Variants in SLC8A1 observed in about 807,000 individuals in gnomAD.
SLC8A1 encodes sodium/calcium exchanger 1.
Under a neutral mutation model 68.3 loss-of-function variants are expected in SLC8A1, and 18 were observed. The observed-to-expected ratio is 0.26, with a 90% CI of 0.18 to 0.39. SLC8A1 has a LOEUF of 0.39. SLC8A1 is among the 10% of genes least tolerant of loss of function. The pLI, the probability that SLC8A1 is intolerant of heterozygous loss-of-function variation, is 1.00. For synonymous variants in SLC8A1, 475 were observed against 415.5 expected (o/e 1.14, Z -1.74); for missense variants, 985 against 1,156.7 (o/e 0.85, Z 2.15).
exon 8 of SLC8A1, chr2:40,104,985 G>C (rs893562924): frequency 5.9e-5 from 9 of 152,140 alleles, no homozygotes; most frequent in Non-Finnish European, 1.0e-4. Context: ...TTAATATAGA[G>C]ACAATCAGAA....
chr2:40,349,774 A>G (rs1398713563), intron 2 of SLC8A1, among the ~76,000 whole-genome samples: 1 of 152,212 alleles, frequency 6.6e-6, no homozygotes, highest in Non-Finnish European at 1.5e-5. Context: ...TAGAAAAAAT[A>G]TCATCCTTTT....
At chr2:40,465,447 A>T (rs577011038) in intron 1 of SLC8A1, among the ~76,000 whole-genome samples, 1 of 152,328 alleles carries the variant, frequency 6.6e-6, no homozygotes, top group East Asian at 1.9e-4. Flanking sequence ...TTTGATAAAA[A>T]TCACTTCACT....
At chr2:40,156,831 G>A (rs571505304) in intron 6 of SLC8A1, among the ~76,000 whole-genome samples, 1 of 152,122 alleles carries the variant, frequency 6.6e-6, no homozygotes, top group African/African-American at 2.4e-5. Context: ...TTGTATGTGT[G>A]TGTCTGTGTT....
At chr2:40,354,647 G>C (rs572599622) in intron 2 of SLC8A1, among the ~76,000 whole-genome samples, 28 of 152,066 alleles carry the variant, frequency 1.8e-4, no homozygotes, top group Non-Finnish European at 3.5e-4. Flanking sequence ...TGCTATTTTG[G>C]GATATTGCCT....
At chr2:40,277,804 A>ATATATATATATATATGTGTG (rs2066947529) in intron 2 of SLC8A1, among the ~76,000 whole-genome samples, 1 of 89,560 alleles carries the variant, frequency 1.1e-5, no homozygotes, top group Non-Finnish European at 2.3e-5. Context: ...GTATATATAT[A>ATATATATATATATATGTGTG]TATATATATA....
At chr2:40,388,974 C>T (rs906472244) in intron 2 of SLC8A1, among the ~76,000 whole-genome samples, 9 of 151,986 alleles carry the variant, frequency 5.9e-5, no homozygotes, top group Admixed American at 1.3e-4. Context: ...GTTTAGGAAA[C>T]GTAAGTGTTC....
chr2:40,388,623 C>G (rs1426172295), intron 2 of SLC8A1, among the ~76,000 whole-genome samples: 1 of 152,156 alleles, frequency 6.6e-6, no homozygotes, highest in Non-Finnish European at 1.5e-5. Flanking sequence ...GTTAAACACA[C>G]TGGTTTTTGA....
At chr2:40,432,401 T>TTTTGTGTGTGTGTGTGTGTG (rs1698524357) in intron 1 of SLC8A1, among the ~76,000 whole-genome samples, 3 of 128,736 alleles carry the variant, frequency 2.3e-5, no homozygotes, top group South Asian at 5.9e-4. Context: ...GAGTGTGAGA[T>TTTTGTGTGTGTGTGTGTGTG]TGTGTGTGTG....
intron 2 of SLC8A1, among the ~76,000 whole-genome samples, chr2:40,356,134 T>C (rs1672587745): frequency 6.6e-6 from 1 of 152,204 alleles, no homozygotes; most frequent in Non-Finnish European, 1.5e-5. Context: ...GTCTGGATTA[T>C]GTGTCCTACC....
chr2:40,253,693 G>A (rs972952320), intron 2 of SLC8A1, among the ~76,000 whole-genome samples: 4 of 151,922 alleles, frequency 2.6e-5, no homozygotes, highest in Non-Finnish European at 5.9e-5. Flanking sequence ...CAGGCATGGT[G>A]GTGGGCACTT....
At chr2:40,150,636 C>T (rs538758046) in intron 6 of SLC8A1, among the ~76,000 whole-genome samples, 102 of 152,276 alleles carry the variant, frequency 6.7e-4, no homozygotes, top group African/African-American at 2.3e-3. Flanking sequence ...GACACGACTT[C>T]GGGCATACAA....
chr2:40,403,675 C>A (rs1453498369), intron 2 of SLC8A1, among the ~76,000 whole-genome samples: 1 of 152,194 alleles, frequency 6.6e-6, no homozygotes, highest in Admixed American at 6.5e-5. Context: ...TCTATTAATA[C>A]TCAGCTAACT....
At chr2:40,428,431 AC>A in intron 2 of SLC8A1, 41 bp downstream of exon 2, 18 of 1,085,318 alleles carry the variant, frequency 1.7e-5, no homozygotes, top group East Asian at 5.0e-5. Context: ...AACCACACAC[AC>A]ACACACACAC....
At chr2:40,430,364 C>G in intron 1 of SLC8A1, 60 bp from the exon 2 acceptor site, 1 of 1,452,042 alleles carries the variant, frequency 6.9e-7, no homozygotes, top group South Asian at 1.4e-5. Context: ...GAGCTGCAGC[C>G]AAAGCATTAC....
intron 2 of SLC8A1, 93 bp downstream of exon 3, chr2:40,178,294 G>A: frequency 1.1e-6 from 1 of 909,468 alleles, no homozygotes. Flanking sequence ...AGGGATGTGT[G>A]CATTGTAAGT....
chr2:40,172,721 T>A (rs1168686144), intron 4 of SLC8A1, among the ~76,000 whole-genome samples: 1 of 152,102 alleles, frequency 6.6e-6, no homozygotes, highest in Admixed American at 6.5e-5. Flanking sequence ...GGTGGGTGGA[T>A]CACGAGGTCA....
chr2:40,274,057 G>A (rs1026607362), intron 2 of SLC8A1, among the ~76,000 whole-genome samples: 12 of 151,240 alleles, frequency 7.9e-5, no homozygotes, highest in South Asian at 4.2e-4. Flanking sequence ...AAAAGGCATC[G>A]AGCACTGCTT....
intron 2 of SLC8A1, among the ~76,000 whole-genome samples, chr2:40,317,495 C>A (rs918811895): frequency 6.6e-6 from 1 of 152,182 alleles, no homozygotes; most frequent in Non-Finnish European, 1.5e-5. Flanking sequence ...CAACTCTACA[C>A]AAACATTGAT....
At position 40,253,463 on chromosome 2, in the gene SLC8A1, A is replaced by T. The variant is rs570600877; in HGVS notation, c.1809-75608T>A. ...AGCAAGGCACAGAAAGACAAGTATT[A>T]TATGTTCTCACTCATATGTGGGAGA... On this transcript the variant is annotated intron_variant, in intron 2 of 7. Coordinates refer to ENST00000406785, the Ensembl canonical transcript of SLC8A1. 5.3e-5 allele frequency among the ~76,000 whole-genome samples: 8 copies of T among 152,172 alleles called. No homozygotes were observed. In the South Asian group the frequency reaches 1.2e-3, roughly 24 times the overall value.
Sources: allele counts gnomAD v4.1 joint callset (sites outside exome capture counted in the v4.1 genomes callset), GRCh38; gene constraint gnomAD v4.1.1; transcripts MANE v1.5; gene names NCBI Gene and HGNC (gene_info 2026-07-23, HGNC 2026-07-21).